The following PDZRN3 variants were observed in gnomAD, a reference collection of about 807,000 sequenced individuals.
PDZRN3 encodes E3 ubiquitin-protein ligase PDZRN3.
A neutral mutation model predicts 85.7 loss-of-function variants in PDZRN3; 38 were observed. That is an observed-to-expected ratio of 0.44 (90% CI 0.34 to 0.58). PDZRN3 has a LOEUF of 0.58. Among genes scored for constraint, PDZRN3 ranks in the 20% least tolerant of loss-of-function variants. The pLI is 0.01. For missense variants in PDZRN3, 1,629 were observed against 1,506.4 expected, an observed-to-expected ratio of 1.08 and a Z score of -1.35; for synonymous variants, 759 against 638.0, an observed-to-expected ratio of 1.19 and a Z score of -2.86.
At chr3:73,484,362 G>A (rs1366350254) in intron 3 of PDZRN3, among the ~76,000 whole-genome samples, 2 of 152,080 alleles carry the variant, frequency 1.3e-5, no homozygotes, top group Non-Finnish European at 2.9e-5. Flanking sequence ...AAAGTCATGA[G>A]ATTACCCAGT....
At chr3:73,411,128 A>G (rs1408874879) in intron 3 of PDZRN3, among the ~76,000 whole-genome samples, 1 of 152,180 alleles carries the variant, frequency 6.6e-6, no homozygotes, top group Non-Finnish European at 1.5e-5. Flanking sequence ...CCATTTCTTG[A>G]TAGGATAAAA....
At chr3:73,390,615 C>A (rs1241035051) in intron 6 of PDZRN3, among the ~76,000 whole-genome samples, 1 of 146,582 alleles carries the variant, frequency 6.8e-6, no homozygotes, top group Non-Finnish European at 1.5e-5. Flanking sequence ...ACTATATATA[C>A]TCCACCAAGA....
intron 3 of PDZRN3, among the ~76,000 whole-genome samples, chr3:73,489,575 C>CTTTTCTTTTTTTTTTTTT (rs576536883): frequency 2.5e-5 from 2 of 80,096 alleles, no homozygotes; most frequent in African/African-American, 9.6e-5. Context: ...AGTTTCTTTT[C>CTTTTCTTTTTTTTTTTTT]TTTTTTTTTT....
chr3:73,453,481 C>G (rs997143634), intron 3 of PDZRN3, among the ~76,000 whole-genome samples: 3 of 148,702 alleles, frequency 2.0e-5, no homozygotes, highest in African/African-American at 7.5e-5. Flanking sequence ...GAACAGTCCA[C>G]AGAAATGGCC....
chr3:73,385,500 A>G (rs1388781388), intron 9 of PDZRN3, among the ~76,000 whole-genome samples, 169 bp downstream of exon 9: 3 of 152,236 alleles, frequency 2.0e-5, no homozygotes, highest in Non-Finnish European at 4.4e-5. Context: ...ACCAGCTTGC[A>G]TTTCACTGGT....
intron 3 of PDZRN3, among the ~76,000 whole-genome samples, chr3:73,463,987 ATTTAT>A (rs1342903436): frequency 2.0e-5 from 3 of 151,762 alleles, no homozygotes; most frequent in Non-Finnish European, 4.4e-5. Flanking sequence ...TTTATTTTTT[ATTTAT>A]TTATTTATTT....
At chr3:73,569,979 G>A (rs1296738506) in intron 3 of PDZRN3, among the ~76,000 whole-genome samples, 1 of 152,166 alleles carries the variant, frequency 6.6e-6, no homozygotes, top group Non-Finnish European at 1.5e-5. Context: ...TCCTGAGAGG[G>A]GGTGAGAAAA....
At chr3:73,523,117 G>A (rs575692131) in intron 3 of PDZRN3, among the ~76,000 whole-genome samples, 1 of 152,302 alleles carries the variant, frequency 6.6e-6, no homozygotes, top group East Asian at 1.9e-4. Context: ...CCACCTCCCT[G>A]GTTGAAGTGA....
In PDZRN3 at chr3:73,492,742, T is replaced by C. The variant is rs549004410; in HGVS notation, c.919-88347A>G. ...CCTGTGGGGTGACTACAGTTAACAG[T>C]ACTGTGTATTTCAAAATGGCTAGGA... On this transcript the variant is annotated intron_variant, in intron 3 of 9. Coordinates refer to ENST00000263666, the MANE Select transcript of PDZRN3 (RefSeq NM_015009.3). Among the ~76,000 whole-genome samples the C allele has an allele frequency of 1.5e-3, 228 of 152,316 alleles. 3 individuals carry two copies. Among genetic ancestry groups the C allele is most frequent in the Middle Eastern group, 3.4e-3 (1 of 294 alleles).
intron 3 of PDZRN3, chr3:73,474,371 C>A: frequency 1.4e-6 from 1 of 739,154 alleles, no homozygotes; most frequent in South Asian, 1.8e-5. Context: ...AAGCAAACTG[C>A]TATCGGTGGT....
chr3:73,569,325 CAGG>C (rs1702007441), intron 3 of PDZRN3: 13 of 1,223,828 alleles, frequency 1.1e-5, no homozygotes, highest in Non-Finnish European at 1.4e-5. Flanking sequence ...TCAGGTGAAC[CAGG>C]AGAATAAGCA....
chr3:73,425,914 C>T (rs1282347239), intron 3 of PDZRN3, among the ~76,000 whole-genome samples: 1 of 152,166 alleles, frequency 6.6e-6, no homozygotes, highest in African/African-American at 2.4e-5. Flanking sequence ...GGCCCCTGCT[C>T]AAACTTATTT....
rs888554064 is a variant in PDZRN3 at position 73,389,687 on chromosome 3, TAC to T, written c.1416+127_1416+128del. On this transcript the variant is annotated intron_variant, in intron 7 of 9. Transcript: ENST00000263666. Reference sequence around the variant, plus strand: ...ATTAGTTTAACTTGTCTGGCCTCACTACACATCTGCGTTTGTGATCCCTGTTC... The same window carrying T: ...ATTAGTTTAACTTGTCTGGCCTCACTACATCTGCGTTTGTGATCCCTGTTC... 4.2e-6 allele frequency: 3 copies of T among 710,192 alleles called. No individual in the cohort carries two copies. The Admixed American group carries it at 6.4e-5, about 15-fold the overall frequency. 44.0% of individuals were successfully genotyped at this position (710,192 alleles called of 1,614,324 possible). A position where few individuals can be genotyped will look rare whatever the true frequency, so the allele number is the denominator to read the frequency against.
intron 3 of PDZRN3, chr3:73,561,346 TG>T (rs1701810606): frequency 6.6e-6 from 1 of 152,222 alleles, no homozygotes; most frequent in Non-Finnish European, 1.5e-5. Context: ...CTGTCATTAC[TG>T]CTGTGACCAG....
At chr3:73,519,674 A>G (rs1341776818) in intron 3 of PDZRN3, among the ~76,000 whole-genome samples, 5 of 152,224 alleles carry the variant, frequency 3.3e-5, no homozygotes, top group Non-Finnish European at 5.9e-5. Flanking sequence ...TCGTAACAGA[A>G]AAAACATCAA....
intron 5 of PDZRN3, among the ~76,000 whole-genome samples, chr3:73,393,197 C>T (rs535425768): frequency 2.0e-5 from 3 of 152,124 alleles, no homozygotes; most frequent in Non-Finnish European, 2.9e-5. Flanking sequence ...GCAGAGAGAG[C>T]GAGCAGTGGG....
chr3:73,478,795 A>C (rs960976438), intron 3 of PDZRN3, among the ~76,000 whole-genome samples: 1 of 152,196 alleles, frequency 6.6e-6, no homozygotes, highest in Non-Finnish European at 1.5e-5. Flanking sequence ...AGTTCTCTGA[A>C]CCATGTTGCT....
chr3:73,564,284 T>TA (rs1268865424), intron 3 of PDZRN3, among the ~76,000 whole-genome samples: 3 of 152,220 alleles, frequency 2.0e-5, no homozygotes, highest in Non-Finnish European at 2.9e-5. Flanking sequence ...GTTCAGACCT[T>TA]AGCTGTTCTC....
chr3:73,459,093 G>A (rs575658341), intron 3 of PDZRN3, among the ~76,000 whole-genome samples: 31 of 152,194 alleles, frequency 2.0e-4, no homozygotes, highest in Admixed American at 7.2e-4. Flanking sequence ...CAATCACGGC[G>A]GAAGGCACCT....
Sources: allele counts gnomAD v4.1 joint callset (sites outside exome capture counted in the v4.1 genomes callset), GRCh38; gene constraint gnomAD v4.1.1; transcripts MANE v1.5; gene names NCBI Gene and HGNC (gene_info 2026-07-23, HGNC 2026-07-21).